The following NIN variants were observed in gnomAD, a reference collection of about 807,000 sequenced individuals.
The protein encoded by NIN is ninein, also known as glycogen synthase kinase 3 beta-interacting protein.
NIN carries 137 observed loss-of-function variants against 257.6 expected under a neutral mutation model. The observed-to-expected ratio is 0.53, with a 90% CI of 0.46 to 0.61. The LOEUF is 0.61. NIN is among the 20% of genes least tolerant of loss of function. The probability of loss-of-function intolerance (pLI) is 0.00; values close to 1 mark genes in which losing one functional copy is unlikely to be tolerated. For missense variants in NIN, 2,439 were observed against 2,501.2 expected, an observed-to-expected ratio of 0.98 and a Z score of 0.53; for synonymous variants, 918 against 919.8, an observed-to-expected ratio of 1.00 and a Z score of 0.04.
chr14:50,756,173 C>G (rs1038593865), intron 18 of NIN, among the ~76,000 whole-genome samples: 2 of 151,942 alleles, frequency 1.3e-5, no homozygotes, highest in Non-Finnish European at 1.5e-5. Context: ...AAAAAAATCC[C>G]CTATCCATCT....
At chr14:50,759,353 CAAAAT>C (rs2042172771) in intron 17 of NIN, among the ~76,000 whole-genome samples, 3 of 152,150 alleles carry the variant, frequency 2.0e-5, no homozygotes, top group Admixed American at 1.3e-4. Flanking sequence ...ACAAACATAA[CAAAAT>C]AAAAACAGTT....
chr14:50,746,034 T>TAA (rs35691375), intron 22 of NIN, among the ~76,000 whole-genome samples: 8 of 135,422 alleles, frequency 5.9e-5, no homozygotes, highest in African/African-American at 2.2e-4. Flanking sequence ...AATGCTTGTT[T>TAA]AAAAAAAAAA....
Position 50,770,372 on chromosome 14 carries a change from C to T in NIN, c.1434+16G>A, listed in dbSNP as rs568401978. 6.2e-7 allele frequency: 1 copy of T among 1,613,052 alleles called. No homozygotes were observed. Among genetic ancestry groups the T allele is most frequent in the African/African-American group, 1.3e-5 (1 of 74,930 alleles). On this transcript the variant is annotated intron_variant, in intron 12 of 30. Transcript: ENST00000530997. Reference sequence around the variant, plus strand: ...CCCGGCAGGGACGCAGACCACAGAACTAATAAGATGATTACCTTTAAAGAG... The same window carrying T: ...CCCGGCAGGGACGCAGACCACAGAATTAATAAGATGATTACCTTTAAAGAG...
At chr14:50,766,253 T>C in intron 14 of NIN, 54 bp downstream of exon 14, 1 of 1,377,452 alleles carries the variant, frequency 7.3e-7, no homozygotes, top group Non-Finnish European at 1.0e-6. Flanking sequence ...ACGGGGAAGC[T>C]GGGGTCTGAA....
At position 50,720,157 on chromosome 14, in the gene NIN, G is replaced by T. The variant is rs901529876; in HGVS notation, c.*3306C>A. 13 of 222,676 alleles carry T rather than the reference G, an allele frequency of 5.8e-5. No individual in the cohort carries two copies. Among genetic ancestry groups the T allele is most frequent in the Non-Finnish European group, 1.1e-4 (12 of 111,484 alleles). The allele number at this position is 222,676 out of a possible 1,614,324, so 13.8% of individuals were successfully genotyped here. On this transcript the variant is annotated 3_prime_UTR_variant, in exon 31 of 31. Transcript: ENST00000530997. Reference sequence around the variant, plus strand: ...GAGAGGTCCAGATAGGTCCAAACATGATGATTTTTAAATGAGTGCTTTGGT... The same window carrying T: ...GAGAGGTCCAGATAGGTCCAAACATTATGATTTTTAAATGAGTGCTTTGGT...
At chr14:50,779,139 G>A (rs1443522359) in intron 5 of NIN, among the ~76,000 whole-genome samples, 2 of 152,190 alleles carry the variant, frequency 1.3e-5, no homozygotes, top group Non-Finnish European at 2.9e-5. Flanking sequence ...ACAAGTATCT[G>A]TACACATGCA....
rs75572846 is a variant in NIN at position 50,823,537 on chromosome 14, T to C, written c.-21-1460A>G. On this transcript the variant is annotated intron_variant, in intron 2 of 30. Coordinates refer to ENST00000530997, the MANE Select transcript of NIN (RefSeq NM_020921.4). ...AATGTTGCTCTAGGTTGTGTTTGCT[T>C]TCTTTCCATAGACAGCTGTTCAAAA... 7.3e-3 allele frequency: 1,701 copies of C among 234,446 alleles called. 32 individuals carry two copies. Among genetic ancestry groups the C allele is most frequent in the African/African-American group, 0.036 (1,565 of 43,258 alleles). 14.5% of individuals were successfully genotyped at this position (234,446 alleles called of 1,614,324 possible). A position where few individuals can be genotyped will look rare whatever the true frequency, so the allele number is the denominator to read the frequency against.
At position 50,771,164 on chromosome 14, in the gene NIN, A is replaced by T. The variant is rs73297342; in HGVS notation, c.1118+168T>A. 9.8e-3 allele frequency among the ~76,000 whole-genome samples: 1,488 copies of T among 152,326 alleles called. 26 individuals carry two copies. The highest frequency in any genetic ancestry group is 0.035 in the African/African-American group (1,434 of 41,564). On this transcript the variant is annotated intron_variant, in intron 10 of 30. Transcript: ENST00000530997. ...CCTTCAAAAGCCTACATGTCAATCT[A>T]AGTTCTCCTTAATTTTCCTATACTT...
At chr14:50,728,067 T>G (rs2040500271) in intron 29 of NIN, among the ~76,000 whole-genome samples, 1 of 152,092 alleles carries the variant, frequency 6.6e-6, no homozygotes, top group Non-Finnish European at 1.5e-5. Flanking sequence ...TTTTTTTTCT[T>G]TCAAAAATCT....
intron 20 of NIN, 57 bp downstream of exon 20, chr14:50,754,506 A>G: frequency 1.4e-6 from 2 of 1,426,638 alleles, no homozygotes; most frequent in Non-Finnish European, 1.9e-6. Context: ...ATAAATTTCA[A>G]AAAATGGGAA....
chr14:50,773,851 C>G (rs1256799631), intron 7 of NIN, among the ~76,000 whole-genome samples: 1 of 152,170 alleles, frequency 6.6e-6, no homozygotes, highest in Non-Finnish European at 1.5e-5. Context: ...CATCTAGAGG[C>G]TTGCCTGGGA....
rs1453790418 is a variant in NIN at position 50,758,276 on chromosome 14, G to A, written c.2754C>T (p.Asp918=). ...MVVERQQLLQ[D]LEDLRNVSET... is the part of the protein sequence containing the mutation. ...CAGATACATTTCTTAGGTCTTCCAGGTCTTGGAGTAGCTGCTGTCTCTCGA... is the reference window on the plus strand; with the variant it reads ...CAGATACATTTCTTAGGTCTTCCAGATCTTGGAGTAGCTGCTGTCTCTCGA... Residue 918 remains aspartate, a synonymous_variant, in exon 18 of 31, where the codon GAC becomes GAT. Coordinates refer to ENST00000530997, the MANE Select transcript of NIN (RefSeq NM_020921.4). The A allele has an allele frequency of 3.1e-6, 5 of 1,614,090 alleles. No individual in the cohort carries two copies. The highest frequency in any genetic ancestry group is 2.7e-5 in the African/African-American group (2 of 74,944).
At chr14:50,794,261 C>T (rs2043735866) in intron 4 of NIN, among the ~76,000 whole-genome samples, 1 of 152,186 alleles carries the variant, frequency 6.6e-6, no homozygotes, top group Non-Finnish European at 1.5e-5. Flanking sequence ...TCTGAACATG[C>T]TCAGCAAAGC....
rs41313507 is a variant in NIN, at chr14:50,758,043, G to C, written c.2987C>G (p.Ala996Gly). 1.9e-6 allele frequency: 3 copies of C among 1,614,164 alleles called. No individual in the cohort carries two copies. In the South Asian group the frequency reaches 3.3e-5, roughly 18 times the overall value. ...KLLAMENIHK[A>G]TCETADRERA... ...TTCTCGATCTGCTGTCTCACAGGTC[G>C]CTTTGTGAATGTTCTCCATGGCTAG... The change falls in exon 18 of 31, where the codon GCG becomes GGG. Residue 996 changes from alanine (A) to glycine (G), a missense_variant. Ala to Gly is a moderately conservative substitution (Grantham distance 60). Transcript: ENST00000530997.
rs116307741 is a variant in NIN at position 50,777,181 on chromosome 14, C to A, written c.476-42G>T. 1.5e-3 allele frequency: 2,243 copies of A among 1,468,512 alleles called. 28 individuals are homozygous for A. The African/African-American group carries it at 0.027, about 18-fold the overall frequency. 91.0% of individuals were successfully genotyped at this position (1,468,512 alleles called of 1,614,324 possible). ...TGTTGCACGGTTTCCAAAGGAATTG[C>A]AAAGAGAGAGTGCCTATTCTTAAAG... is the stretch of plus-strand genomic sequence containing the variant. On this transcript the variant is annotated intron_variant, in intron 6 of 30. Transcript: ENST00000530997.
rs2040277778 is a variant in NIN, at chr14:50,721,922, A to ACT, written c.*1540_*1541insAG. The stretch of plus-strand genomic sequence containing the variant: ...TTGTTGAGATTGAGTTTCTGACATG[A>ACT]TGACTTCTTGGGCAGTTTGCTTTCT... On this transcript the variant is annotated 3_prime_UTR_variant, in exon 31 of 31. Coordinates refer to ENST00000530997, the MANE Select transcript of NIN (RefSeq NM_020921.4). 1 of 226,156 alleles carries ACT rather than the reference A, an allele frequency of 4.4e-6. No individual in the cohort carries two copies. Among genetic ancestry groups the ACT allele is most frequent in the Non-Finnish European group, 8.8e-6 (1 of 113,566 alleles). The allele number at this position is 226,156 out of a possible 1,614,324, so 14.0% of individuals were successfully genotyped here.
intron 7 of NIN, among the ~76,000 whole-genome samples, chr14:50,775,558 A>G (rs56934909): frequency 6.6e-6 from 1 of 152,300 alleles, no homozygotes; most frequent in Non-Finnish European, 1.5e-5. Flanking sequence ...ATAGAATTTC[A>G]CTATTTTTCT....
At position 50,759,895 on chromosome 14, in the gene NIN, CTCTTT is replaced by C. The variant is rs771185795; in HGVS notation, c.2356_2360del (p.Lys786AlafsTer21). 6 of 1,613,200 alleles carry C rather than the reference CTCTTT, an allele frequency of 3.7e-6. No individual in the cohort carries two copies. Among genetic ancestry groups the C allele is most frequent in the Non-Finnish European group, 5.1e-6 (6 of 1,179,712 alleles). On this transcript the variant is annotated frameshift_variant, in exon 17 of 31. Coordinates refer to ENST00000530997, the MANE Select transcript of NIN (RefSeq NM_020921.4). LOFTEE classifies it high-confidence loss of function. ...GCTCCCTTTGGTGCTTTTCCAAGAGCTCTTTTCTTAACTCCTCTTTCTCAAGAGTG... is the reference window on the plus strand; with the variant it reads ...GCTCCCTTTGGTGCTTTTCCAAGAGCTCTTAACTCCTCTTTCTCAAGAGTG...
Position 50,723,386 on chromosome 14 carries a change from A to T in NIN, c.*77T>A, listed in dbSNP as rs549710947. The T allele has an allele frequency of 3.8e-6, 5 of 1,317,260 alleles. No homozygotes were observed. The African/African-American group carries it at 4.4e-5, about 12-fold the overall frequency. The allele number at this position is 1,317,260 out of a possible 1,614,324, so 81.6% of individuals were successfully genotyped here. A position where few individuals can be genotyped will look rare whatever the true frequency, so the allele number is the denominator to read the frequency against. On this transcript the variant is annotated 3_prime_UTR_variant, in exon 31 of 31. Transcript: ENST00000530997. ...TGCTGGCAGTTTTAGGTTAGGCTTA[A>T]TTTTAAGTTGAGAACCTACTGAAAT...
Sources: gnomAD v4.1 joint callset for allele counts (sites outside exome capture counted in the v4.1 genomes callset) on GRCh38, gnomAD v4.1.1 for gene constraint, MANE v1.5 for transcripts, NCBI Gene and HGNC (gene_info 2026-07-23, HGNC 2026-07-21) for gene names.